The following TBC1D16 variants were observed in gnomAD, a reference collection of about 807,000 sequenced individuals.
TBC1D16 encodes the protein TBC1 domain family member 16.
Under a neutral mutation model 74.7 loss-of-function variants are expected in TBC1D16, and 58 were observed. The ratio of observed to expected loss-of-function variants is 0.78; its 90% CI spans 0.63 to 0.97. TBC1D16 has a LOEUF of 0.97. Among genes scored for constraint, TBC1D16 ranks in the 50% least tolerant of loss-of-function variants. The pLI is 0.00. For missense variants in TBC1D16, 1,014 were observed against 1,079.5 expected, an observed-to-expected ratio of 0.94 and a Z score of 0.85; for synonymous variants, 493 against 474.7, an observed-to-expected ratio of 1.04 and a Z score of -0.50.
chr17:80,034,432 C>G (rs1291369355), intron 1 of TBC1D16, among the ~76,000 whole-genome samples: 2 of 152,218 alleles, frequency 1.3e-5, no homozygotes, highest in East Asian at 1.9e-4. Context: ...GAACTCCTGA[C>G]CTCAGGTGAT....
chr17:79,964,825 T>A (rs1337934831), intron 3 of TBC1D16, among the ~76,000 whole-genome samples: 1 of 152,168 alleles, frequency 6.6e-6, no homozygotes, highest in African/African-American at 2.4e-5. Flanking sequence ...AGAGAAATCC[T>A]CACACTGTTA....
chr17:79,943,442 G>A (rs575121395), intron 10 of TBC1D16, among the ~76,000 whole-genome samples: 1 of 152,170 alleles, frequency 6.6e-6, no homozygotes. Flanking sequence ...CCCACCACAT[G>A]CTGACAGCGG....
At chr17:80,013,282 G>T in intron 2 of TBC1D16, 85 bp downstream of exon 2, 2 of 1,315,964 alleles carry the variant, frequency 1.5e-6, no homozygotes, top group Non-Finnish European at 2.1e-6. Context: ...GCACTCTCAC[G>T]TGCTGTGGCC....
Position 79,937,009 on chromosome 17 carries a change from A to G in TBC1D16, c.*3850T>C, listed in dbSNP as rs930282323. 3 of 151,716 alleles carry G rather than the reference A, an allele frequency of 2.0e-5. No individual in the cohort carries two copies. The highest frequency in any genetic ancestry group is 4.4e-5 in the Non-Finnish European group (3 of 67,984). The allele number at this position is 151,716 out of a possible 1,614,324, so 9.4% of individuals were successfully genotyped here. On this transcript the variant is annotated 3_prime_UTR_variant, in exon 12 of 12. Transcript: ENST00000310924. Reference sequence around the variant, plus strand: ...TGGCCTGCAGGGGCCCCTGCAGAGCATACAGGGAGGTGCTTCCTTCCCTCT... The same window carrying G: ...TGGCCTGCAGGGGCCCCTGCAGAGCGTACAGGGAGGTGCTTCCTTCCCTCT...
chr17:79,968,340 G>A (rs998124770), intron 3 of TBC1D16, among the ~76,000 whole-genome samples: 3 of 152,202 alleles, frequency 2.0e-5, no homozygotes, highest in Non-Finnish European at 2.9e-5. Flanking sequence ...AAATGGCACA[G>A]AGACAACTGG....
intron 3 of TBC1D16, among the ~76,000 whole-genome samples, chr17:79,969,078 A>C (rs1421238844): frequency 2.6e-5 from 4 of 152,056 alleles, no homozygotes. Flanking sequence ...TCTCCACATC[A>C]TTATTCCCTG....
Position 79,983,704 on chromosome 17 carries a change from G to A in TBC1D16, c.779+26456C>T, listed in dbSNP as rs1391835201. On this transcript the variant is annotated intron_variant, in intron 3 of 11. Coordinates refer to ENST00000310924, the MANE Select transcript of TBC1D16 (RefSeq NM_019020.4). This position sits in a 1 kb window ranked among gnomAD's most constrained non-coding sequence, Gnocchi z 5.6. ...TGGTTCCTTCTGGAGACCGGGGCAC[G>A]GAACGACCAGACTGGGGAGGAAGGA... Among the ~76,000 whole-genome samples, 3 of 152,168 alleles carry A rather than the reference G, an allele frequency of 2.0e-5. No homozygotes were observed. The highest frequency in any genetic ancestry group is 2.1e-4 in the South Asian group (1 of 4,836).
intron 3 of TBC1D16, among the ~76,000 whole-genome samples, chr17:79,978,645 C>T (rs1296977393): frequency 1.3e-5 from 2 of 152,170 alleles, no homozygotes; most frequent in African/African-American, 4.8e-5. Flanking sequence ...TCTGAGCTTC[C>T]GTGGGTCCCG....
At position 79,939,961 on chromosome 17, in the gene TBC1D16, ACACGCACGCACGTGTGCATGCATG is replaced by A. The variant is rs748056570; in HGVS notation, c.*874_*897del. The A allele has an allele frequency of 6.6e-6, 1 of 152,082 alleles. No homozygotes were observed. Among genetic ancestry groups the A allele is most frequent in the South Asian group, 2.1e-4 (1 of 4,826 alleles). The allele number at this position is 152,082 out of a possible 1,614,324, so 9.4% of individuals were successfully genotyped here. On this transcript the variant is annotated 3_prime_UTR_variant, in exon 12 of 12. Transcript: ENST00000310924. ...TTGTCAGAGGATCTTGCAAACACAAACACGCACGCACGTGTGCATGCATGCATGCACGCAGGGACACACGCACAC... is the reference window on the plus strand; with the variant it reads ...TTGTCAGAGGATCTTGCAAACACAAACATGCACGCAGGGACACACGCACAC...
At chr17:79,959,428 C>T (rs1264251113) in intron 3 of TBC1D16, among the ~76,000 whole-genome samples, 2 of 151,948 alleles carry the variant, frequency 1.3e-5, no homozygotes, top group South Asian at 2.1e-4. Context: ...ATAACCAGAG[C>T]GACTATAAAA....
rs11363737 is a variant in TBC1D16, at chr17:80,035,236, CT to C, written c.-63+558del. 0.91 allele frequency among the ~76,000 whole-genome samples: 130,574 copies of C among 143,000 alleles called. 60,014 individuals carry two copies. Among genetic ancestry groups the C allele is most frequent in the Non-Finnish European group, 0.98 (63,832 of 65,466 alleles). The allele number at this position is 143,000 out of a possible 152,430, so 93.8% of individuals were successfully genotyped here. A position where few individuals can be genotyped will look rare whatever the true frequency, so the allele number is the denominator to read the frequency against. ...TTCCTTTCGTTCTTTCTTTCTTTTTCTTTTTTTTTTTTTCCCAAAGGAAAGA... is the reference window on the plus strand; with the variant it reads ...TTCCTTTCGTTCTTTCTTTCTTTTTCTTTTTTTTTTTTCCCAAAGGAAAGA... On this transcript the variant is annotated intron_variant, in intron 1 of 11. Coordinates refer to ENST00000310924, the MANE Select transcript of TBC1D16 (RefSeq NM_019020.4). The surrounding 1 kb of genome is among the most constrained non-coding windows in gnomAD (Gnocchi z 5.3).
rs2034495084 is a variant in TBC1D16, at chr17:79,979,652, T to C, written c.780-26834A>G. Among the ~76,000 whole-genome samples, 1 of 151,982 alleles carries C rather than the reference T, an allele frequency of 6.6e-6. No individual in the cohort carries two copies. Among genetic ancestry groups the C allele is most frequent in the Admixed American group, 6.6e-5 (1 of 15,248 alleles). The stretch of plus-strand genomic sequence containing the variant: ...AAGGCACACGTCGACCTTCACTGTT[T>C]CCTGCAAACACAGCTGGGACATCAG... On this transcript the variant is annotated intron_variant, in intron 3 of 11. Transcript: ENST00000310924. The surrounding 1 kb of genome is among the most constrained non-coding windows in gnomAD (Gnocchi z 4.8).
chr17:79,982,126 G>A (rs1201070310), intron 3 of TBC1D16, among the ~76,000 whole-genome samples: 1 of 150,564 alleles, frequency 6.6e-6, no homozygotes, highest in Admixed American at 6.6e-5. Flanking sequence ...TTCCATTGTC[G>A]TTTTTCTTTG....
At chr17:79,996,707 C>T (rs189868905) in intron 3 of TBC1D16, among the ~76,000 whole-genome samples, 206 of 152,216 alleles carry the variant, frequency 1.4e-3, no homozygotes, top group Non-Finnish European at 2.5e-3. Flanking sequence ...ATGGCAAAAA[C>T]CCTGTCTCTA....
rs979820982 is a variant in TBC1D16 at position 79,938,198 on chromosome 17, G to A, written c.*2661C>T. 1 of 152,206 alleles carries A rather than the reference G, an allele frequency of 6.6e-6. No homozygotes were observed. The highest frequency in any genetic ancestry group is 6.5e-5 in the Admixed American group (1 of 15,292). The allele number at this position is 152,206 out of a possible 1,614,324, so 9.4% of individuals were successfully genotyped here. On this transcript the variant is annotated 3_prime_UTR_variant, in exon 12 of 12. Coordinates refer to ENST00000310924, the MANE Select transcript of TBC1D16 (RefSeq NM_019020.4). ...ATTAAGGGAGTTGTGGAGGGGCGGGGCTTCTCCATCCCCCGCGGAGCAGCG... is the reference window on the plus strand; with the variant it reads ...ATTAAGGGAGTTGTGGAGGGGCGGGACTTCTCCATCCCCCGCGGAGCAGCG...
In TBC1D16 at chr17:80,010,538, A is replaced by C; in HGVS notation, c.401T>G (p.Leu134Arg). Residue 134 changes from leucine (L) to arginine (R), a missense_variant, in exon 3 of 12, where the codon CTG becomes CGG. By Grantham distance (102) the Leu-to-Arg change is moderately radical. Coordinates refer to ENST00000310924, the MANE Select transcript of TBC1D16 (RefSeq NM_019020.4). This position sits in a 1 kb window ranked among gnomAD's most constrained non-coding sequence, Gnocchi z 8.8. Reference sequence around the variant, plus strand: ...CAGGATGTCCTCATCTTTGGGGGTCAGGGTAGGCCGCAGCTCCGTCGGGGA... The same window carrying C: ...CAGGATGTCCTCATCTTTGGGGGTCCGGGTAGGCCGCAGCTCCGTCGGGGA... ...QPSPTELRPT[L>R]TPKDEDILVV... The C allele has an allele frequency of 6.2e-7, 1 of 1,610,326 alleles. No homozygotes were observed. Among genetic ancestry groups the C allele is most frequent in the Non-Finnish European group, 8.5e-7 (1 of 1,178,732 alleles).
chr17:80,018,281 TA>T lies in TBC1D16; in HGVS notation c.-62-4673del, dbSNP rs1289570184. On this transcript the variant is annotated intron_variant, in intron 1 of 11. Coordinates refer to ENST00000310924, the MANE Select transcript of TBC1D16 (RefSeq NM_019020.4). ...AGTCAATATGAAAACATTATTTCTT[TA>T]TTTTTTTTTTATTTTTTGAGACGGA... Among the ~76,000 whole-genome samples, 8 of 138,470 alleles carry T rather than the reference TA, an allele frequency of 5.8e-5. 1 individual carries two copies. The highest frequency in any genetic ancestry group is 3.5e-3 in the Middle Eastern group (1 of 288). The allele number at this position is 138,470 out of a possible 152,430, so 90.8% of individuals were successfully genotyped here.
In TBC1D16 at chr17:80,001,481, G is replaced by A. The variant is rs1040020796; in HGVS notation, c.779+8679C>T. 4.6e-5 allele frequency among the ~76,000 whole-genome samples: 7 copies of A among 152,142 alleles called. No individual in the cohort carries two copies. The highest frequency in any genetic ancestry group is 3.9e-4 in the East Asian group (2 of 5,172). On this transcript the variant is annotated intron_variant, in intron 3 of 11. Coordinates refer to ENST00000310924, the MANE Select transcript of TBC1D16 (RefSeq NM_019020.4). This position sits in a 1 kb window ranked among gnomAD's most constrained non-coding sequence, Gnocchi z 5.8. ...GCTGGCTTCCCGGCTGCCAGGCTGCGCTGGGCCCGGAGGGGTGGGCGGGGG... is the reference window on the plus strand; with the variant it reads ...GCTGGCTTCCCGGCTGCCAGGCTGCACTGGGCCCGGAGGGGTGGGCGGGGG...
At chr17:79,968,202 CA>C (rs575012809) in intron 3 of TBC1D16, among the ~76,000 whole-genome samples, 118 of 152,280 alleles carry the variant, frequency 7.7e-4, no homozygotes, top group Non-Finnish European at 1.2e-3. Flanking sequence ...CCATGTTGGC[CA>C]GGCTGGTCTC....
Sources: gnomAD v4.1 joint callset for allele counts (sites outside exome capture counted in the v4.1 genomes callset) on GRCh38, gnomAD v4.1.1 for gene constraint, Gnocchi (gnomAD v3.1) non-coding constraint, MANE v1.5 for transcripts, NCBI Gene and HGNC (gene_info 2026-07-23, HGNC 2026-07-21) for gene names.